The following ITGA1 variants were observed in gnomAD, a reference collection of about 807,000 sequenced individuals.
The protein encoded by ITGA1 is integrin subunit alpha 1.
In ITGA1, 85 loss-of-function variants were observed where a neutral mutation model predicts 145.9. The observed-to-expected ratio is 0.58, with a 90% CI of 0.49 to 0.70. The LOEUF (loss-of-function observed/expected upper bound fraction) is 0.70, where lower values mean the gene tolerates loss of function less well. Ranked by LOEUF, ITGA1 falls within the 30% of genes least tolerant of loss-of-function variation. The pLI is 0.00. For synonymous variants in ITGA1, 520 were observed against 495.3 expected, an observed-to-expected ratio of 1.05 and a Z score of -0.66; for missense variants, 1,351 against 1,418.7, an observed-to-expected ratio of 0.95 and a Z score of 0.77.
At chr5:52,951,523 G>A (rs1751218824) in intron 28 of ITGA1, among the ~76,000 whole-genome samples, 1 of 151,980 alleles carries the variant, frequency 6.6e-6, no homozygotes, top group African/African-American at 2.4e-5. Flanking sequence ...TTTTTCTTAT[G>A]GTCAACAACT....
intron 14 of ITGA1, among the ~76,000 whole-genome samples, chr5:52,911,380 A>AGT (rs1306197438): frequency 7.4e-6 from 1 of 134,472 alleles, no homozygotes; most frequent in Non-Finnish European, 1.5e-5. Flanking sequence ...GTGAGTATAT[A>AGT]GTATATATAG....
rs376270594 is a variant in ITGA1 at position 52,905,793 on chromosome 5, C to T, written c.1340C>T (p.Ser447Phe). 19 of 1,613,294 alleles carry T rather than the reference C, an allele frequency of 1.2e-5. No homozygotes were observed. Among genetic ancestry groups the T allele is most frequent in the Non-Finnish European group, 1.6e-5 (19 of 1,179,628 alleles). Residue 447 changes from serine to phenylalanine, a missense_variant, in exon 12 of 29, where the codon TCT (serine) becomes TTT (phenylalanine). Physicochemically the swap from Ser to Phe is radical, Grantham distance 155 (BLOSUM62 -2). Coordinates refer to ENST00000282588, the MANE Select transcript of ITGA1 (RefSeq NM_181501.2). ...GYTVNSATAS[S>F]GDVLYIAGQP... is the part of the protein sequence containing the mutation. ...ACTGTAAACTCTGCTACTGCTTCTTCTGGAGATGTGCTCTATATTGCTGGA... is the reference window on the plus strand; with the variant it reads ...ACTGTAAACTCTGCTACTGCTTCTTTTGGAGATGTGCTCTATATTGCTGGA...
intron 1 of ITGA1, among the ~76,000 whole-genome samples, chr5:52,846,550 A>G (rs1749341376): frequency 1.3e-5 from 2 of 152,260 alleles, no homozygotes; most frequent in South Asian, 4.1e-4. Flanking sequence ...GCAGTGCATG[A>G]CTATTTAGTT....
chr5:52,927,451 C>T, intron 19 of ITGA1, 133 bp from the exon 20 acceptor site: 1 of 598,228 alleles, frequency 1.7e-6, no homozygotes. Flanking sequence ...GAATTCTGTG[C>T]CTCTTCCAGC....
chr5:52,788,473 G>A (rs1580015685), intron 1 of ITGA1, 59 bp downstream of exon 1: 1 of 1,359,134 alleles, frequency 7.4e-7, no homozygotes, highest in South Asian at 1.5e-5. Context: ...CTTGGAGCGG[G>A]GAGGGAGGTC....
intron 7 of ITGA1, among the ~76,000 whole-genome samples, 160 bp downstream of exon 7, chr5:52,882,181 T>C (rs1579695377): frequency 6.6e-6 from 1 of 152,210 alleles, no homozygotes; most frequent in Non-Finnish European, 1.5e-5. Flanking sequence ...CAAGATCAGA[T>C]GTTTGTATGA....
In ITGA1 at chr5:52,866,019, T is replaced by C. The variant is rs566634681; in HGVS notation, c.624+202T>C. Among the ~76,000 whole-genome samples, 712 of 152,262 alleles carry C rather than the reference T, an allele frequency of 4.7e-3. 2 individuals are homozygous for C. The highest frequency in any genetic ancestry group is 3.8e-3 in the Non-Finnish European group (257 of 68,020). On this transcript the variant is annotated intron_variant, in intron 6 of 28. Coordinates refer to ENST00000282588, the MANE Select transcript of ITGA1 (RefSeq NM_181501.2). The stretch of plus-strand genomic sequence containing the variant: ...TTTCTATTTTTTTCTTTTTTCTTTT[T>C]TCTTTTTCTTTTTTAGACAGAGTCT...
intron 10 of ITGA1, 95 bp downstream of exon 10, chr5:52,897,623 C>A: frequency 7.6e-6 from 6 of 792,506 alleles, no homozygotes; most frequent in Non-Finnish European, 1.1e-5. Flanking sequence ...GTGCAACGTG[C>A]AGTTCATAGC....
intron 1 of ITGA1, among the ~76,000 whole-genome samples, chr5:52,833,986 A>C (rs1749116125): frequency 6.6e-6 from 1 of 152,226 alleles, no homozygotes. Flanking sequence ...TCATTCAACA[A>C]ATTTTATTAA....
intron 1 of ITGA1, among the ~76,000 whole-genome samples, chr5:52,816,294 A>G (rs924598522): frequency 6.6e-6 from 1 of 152,242 alleles, no homozygotes; most frequent in African/African-American, 2.4e-5. Context: ...GCAGAAATAA[A>G]ACAAATATTC....
At chr5:52,888,830 C>T (rs1427869193) in intron 8 of ITGA1, among the ~76,000 whole-genome samples, 1 of 152,158 alleles carries the variant, frequency 6.6e-6, no homozygotes, top group African/African-American at 2.4e-5. Context: ...GGCAAGGGCA[C>T]CCAGTGACTT....
rs554896969 is a variant in ITGA1 at position 52,801,083 on chromosome 5, A to G, written c.61+12669A>G. Reference sequence around the variant, plus strand: ...TTTCAACAAGCAGTGAAGACCGACAACAAACTGCTCCTGGAAAACCGGTCC... The same window carrying G: ...TTTCAACAAGCAGTGAAGACCGACAGCAAACTGCTCCTGGAAAACCGGTCC... On this transcript the variant is annotated intron_variant, in intron 1 of 28. Transcript: ENST00000282588. 3.1e-6 allele frequency: 5 copies of G among 1,610,294 alleles called. No homozygotes were observed. The South Asian group carries it at 4.4e-5, about 14-fold the overall frequency.
intron 1 of ITGA1, chr5:52,800,342 G>C: frequency 6.2e-7 from 1 of 1,605,112 alleles, no homozygotes; most frequent in Non-Finnish European, 8.5e-7. Flanking sequence ...CCGGGGCGGA[G>C]GTGAGGACCT....
At chr5:52,837,411 C>A (rs565728962) in intron 1 of ITGA1, among the ~76,000 whole-genome samples, 1 of 152,124 alleles carries the variant, frequency 6.6e-6, no homozygotes, top group Non-Finnish European at 1.5e-5. Flanking sequence ...ACCGGTGAGG[C>A]ACTCACCCCA....
intron 1 of ITGA1, among the ~76,000 whole-genome samples, chr5:52,826,017 T>C (rs1253193481): frequency 6.6e-6 from 1 of 151,914 alleles, no homozygotes; most frequent in Non-Finnish European, 1.5e-5. Flanking sequence ...TCACTTTAAA[T>C]GAAAAGCTAG....
intron 6 of ITGA1, among the ~76,000 whole-genome samples, chr5:52,870,627 A>G (rs1348636946): frequency 6.6e-6 from 1 of 152,224 alleles, no homozygotes; most frequent in East Asian, 1.9e-4. Context: ...AGCTGCTGAC[A>G]GGGAAGTCGG....
At position 52,893,959 on chromosome 5, in the gene ITGA1, A is replaced by C. The variant is rs529041976; in HGVS notation, c.1090+119A>C. On this transcript the variant is annotated intron_variant, in intron 9 of 28. Coordinates refer to ENST00000282588, the MANE Select transcript of ITGA1 (RefSeq NM_181501.2). ...CTTTTTTTTTTTTTTTACTGTGTACAATATCTAGCATGGAACAATGCTCTT... is the reference window on the plus strand; with the variant it reads ...CTTTTTTTTTTTTTTTACTGTGTACCATATCTAGCATGGAACAATGCTCTT... The C allele has an allele frequency of 1.4e-4, 101 of 697,270 alleles. No individual in the cohort carries two copies. The African/African-American group carries it at 1.7e-3, about 12-fold the overall frequency. 43.2% of individuals were successfully genotyped at this position (697,270 alleles called of 1,614,324 possible).
intron 1 of ITGA1, among the ~76,000 whole-genome samples, chr5:52,794,821 G>A (rs1211106188): frequency 6.6e-6 from 1 of 151,788 alleles, no homozygotes; most frequent in African/African-American, 2.4e-5. Context: ...AAACAATTGC[G>A]TTTATCACTA....
chr5:52,942,485 C>G (rs1751068330), intron 26 of ITGA1, among the ~76,000 whole-genome samples: 2 of 149,328 alleles, frequency 1.3e-5, no homozygotes, highest in Admixed American at 6.7e-5. Flanking sequence ...CCTTGGTTAG[C>G]TGTATTCCTG....
Sources: gnomAD v4.1 joint callset for allele counts (sites outside exome capture counted in the v4.1 genomes callset) on GRCh38, gnomAD v4.1.1 for gene constraint, MANE v1.5 for transcripts, NCBI Gene and HGNC (gene_info 2026-07-23, HGNC 2026-07-21) for gene names.